ENTREP2: variants seen among roughly 807,000 people sequenced by gnomAD.
The protein encoded by ENTREP2 is protein ENTREP2.
the ENTREP2 span, among the ~76,000 whole-genome samples, chr15:29,280,081 C>T: frequency 6.6e-6 from 1 of 152,104 alleles, no homozygotes; most frequent in African/African-American, 2.4e-5. Context: ...TAAAAAAAAC[C>T]CTCAGTTATG....
At chr15:29,558,362 A>G in the ENTREP2 span, among the ~76,000 whole-genome samples, 1 of 152,044 alleles carries the variant, frequency 6.6e-6, no homozygotes, top group South Asian at 2.1e-4. Flanking sequence ...AGGTAGGATG[A>G]GTGATGCTAC....
At chr15:29,654,347 C>T in the ENTREP2 span, among the ~76,000 whole-genome samples, 1 of 152,170 alleles carries the variant, frequency 6.6e-6, no homozygotes, top group Non-Finnish European at 1.5e-5. Flanking sequence ...GCCAATACTA[C>T]ATTGAGGAAG....
At chr15:29,333,952 A>G in the ENTREP2 span, among the ~76,000 whole-genome samples, 1 of 151,984 alleles carries the variant, frequency 6.6e-6, no homozygotes, top group Non-Finnish European at 1.5e-5. Flanking sequence ...CTACAAGCCA[A>G]GGAACGTCAC....
chr15:29,531,582 CAAAT>C, the ENTREP2 span, among the ~76,000 whole-genome samples: 42 of 152,268 alleles, frequency 2.8e-4, no homozygotes, highest in East Asian at 2.5e-3. Context: ...TTTTAATTGA[CAAAT>C]AAAAATTGTA....
At chr15:29,533,744 TA>T in the ENTREP2 span, among the ~76,000 whole-genome samples, 1 of 151,826 alleles carries the variant, frequency 6.6e-6, no homozygotes, top group African/African-American at 2.4e-5. Context: ...CTGACATCAG[TA>T]AAAAACAGAA....
chr15:29,265,921 A>C, the ENTREP2 span: 1 of 152,262 alleles, frequency 6.6e-6, no homozygotes, highest in Non-Finnish European at 1.5e-5. Context: ...GGCAGAAAAC[A>C]TATTTACAAT....
At chr15:29,240,295 C>T in the ENTREP2 span, among the ~76,000 whole-genome samples, 378 of 150,446 alleles carry the variant, frequency 2.5e-3, 2 homozygotes, top group African/African-American at 8.7e-3. Flanking sequence ...ACCCGGGAGG[C>T]GGAGGTTGCA....
At chr15:29,530,720 A>C in the ENTREP2 span, among the ~76,000 whole-genome samples, 1 of 152,226 alleles carries the variant, frequency 6.6e-6, no homozygotes, top group African/African-American at 2.4e-5. Flanking sequence ...AGAAACATAC[A>C]TTATTTTCAG....
chr15:29,521,707 G>A, the ENTREP2 span, among the ~76,000 whole-genome samples: 3 of 152,152 alleles, frequency 2.0e-5, no homozygotes, highest in Non-Finnish European at 4.4e-5. Context: ...TAGCAATTCA[G>A]GGGCCTCTCC....
chr15:29,167,188 A>C, the ENTREP2 span, among the ~76,000 whole-genome samples: 2 of 152,194 alleles, frequency 1.3e-5, no homozygotes, highest in Admixed American at 1.3e-4. Flanking sequence ...TTAAAGACTT[A>C]AATCTAAGAC....
the ENTREP2 span, among the ~76,000 whole-genome samples, chr15:29,133,796 A>G: frequency 6.6e-6 from 1 of 152,116 alleles, no homozygotes; most frequent in Admixed American, 6.5e-5. Flanking sequence ...GATCACTATG[A>G]ACTACAGCTC....
At chr15:29,166,034 T>C in the ENTREP2 span, among the ~76,000 whole-genome samples, 1 of 152,200 alleles carries the variant, frequency 6.6e-6, no homozygotes, top group Non-Finnish European at 1.5e-5. Context: ...AGTCAATAAA[T>C]GTGACACATC....
At chr15:29,446,725 C>A in the ENTREP2 span, among the ~76,000 whole-genome samples, 2 of 152,220 alleles carry the variant, frequency 1.3e-5, no homozygotes, top group Non-Finnish European at 2.9e-5. Context: ...GGTTAGAAGT[C>A]CCAAACAGGT....
chr15:29,196,350 C>G, the ENTREP2 span: 2 of 1,483,054 alleles, frequency 1.3e-6, no homozygotes, highest in Non-Finnish European at 1.8e-6. Context: ...TGAAAGGAAT[C>G]TATATGTTAA....
chr15:29,395,003 T>TTAG, the ENTREP2 span, among the ~76,000 whole-genome samples: 1 of 149,606 alleles, frequency 6.7e-6, no homozygotes, highest in Non-Finnish European at 1.5e-5. Flanking sequence ...TTCTCCTGCC[T>TTAG]TAGCCTCCTG....
At chr15:29,666,684 T>G in the ENTREP2 span, among the ~76,000 whole-genome samples, 1 of 152,206 alleles carries the variant, frequency 6.6e-6, no homozygotes, top group African/African-American at 2.4e-5. Flanking sequence ...TCAGGACTTT[T>G]GCACTTGTTA....
At chr15:29,159,260 G>T in the ENTREP2 span, among the ~76,000 whole-genome samples, 1 of 152,052 alleles carries the variant, frequency 6.6e-6, no homozygotes, top group Non-Finnish European at 1.5e-5. Context: ...CTCTTAAGGC[G>T]GCGTGTCTGA....
the ENTREP2 span, among the ~76,000 whole-genome samples, chr15:29,295,392 G>C: frequency 6.6e-6 from 1 of 152,114 alleles, no homozygotes; most frequent in Non-Finnish European, 1.5e-5. Flanking sequence ...TGACAGCCAG[G>C]CCTCTACTGA....
chr15:29,545,344 A>G, the ENTREP2 span, among the ~76,000 whole-genome samples: 1 of 152,226 alleles, frequency 6.6e-6, no homozygotes, highest in Non-Finnish European at 1.5e-5. Flanking sequence ...AGAGGACACA[A>G]AAGGTCAAGA....
Sources: gnomAD v4.1 joint callset for allele counts (sites outside exome capture counted in the v4.1 genomes callset) on GRCh38, gnomAD v4.1.1 for gene constraint, MANE v1.5 for transcripts, NCBI Gene and HGNC (gene_info 2026-07-23, HGNC 2026-07-21) for gene names.